Variants in ASH1L observed in about 807,000 individuals in gnomAD.
ASH1L encodes the protein histone-lysine N-methyltransferase ASH1L.
ASH1L carries 23 observed loss-of-function variants against 269.0 expected under a neutral mutation model. The ratio of observed to expected loss-of-function variants is 0.09; its 90% CI spans 0.06 to 0.12. The LOEUF (loss-of-function observed/expected upper bound fraction) is 0.12. ASH1L is among the 10% of genes least tolerant of loss of function. The pLI, the probability that ASH1L is intolerant of heterozygous loss-of-function variation, is 1.00. For missense variants in ASH1L, 2,912 were observed against 3,567.8 expected, an observed-to-expected ratio of 0.82 and a Z score of 4.68; for synonymous variants, 1,187 against 1,253.5, an observed-to-expected ratio of 0.95 and a Z score of 1.12.
chr1:155,529,168 G>T (rs1669480519), intron 1 of ASH1L, among the ~76,000 whole-genome samples: 1 of 152,120 alleles, frequency 6.6e-6, no homozygotes, highest in African/African-American at 2.4e-5. Flanking sequence ...AGATACGCAT[G>T]CATCTGTCTT....
At chr1:155,465,685 TTTCA>T (rs1296260474) in intron 3 of ASH1L, among the ~76,000 whole-genome samples, 5 of 152,248 alleles carry the variant, frequency 3.3e-5, no homozygotes, top group Admixed American at 1.3e-4. Flanking sequence ...ATTTCTCTTC[TTTCA>T]TTATTTATAA....
At chr1:155,532,991 T>C (rs1669795153) in intron 1 of ASH1L, among the ~76,000 whole-genome samples, 1 of 151,066 alleles carries the variant, frequency 6.6e-6, no homozygotes, top group Non-Finnish European at 1.5e-5. Context: ...AGAGTGTGTG[T>C]GTGTGTTGGT....
At chr1:155,499,157 T>G (rs1250024576) in intron 2 of ASH1L, among the ~76,000 whole-genome samples, 1 of 152,140 alleles carries the variant, frequency 6.6e-6, no homozygotes, top group Non-Finnish European at 1.5e-5. Flanking sequence ...AACATGTTAC[T>G]AGCATAATTT....
rs202123499 is a variant in ASH1L at position 155,412,236 on chromosome 1, C to T, written c.6008+3508G>A. On this transcript the variant is annotated intron_variant, in intron 6 of 27. Transcript: ENST00000392403. ...CAGCTTGGGCAACAGAGCACGACTC[C>T]GTCTCAAAAAAAAAAAAAAAAATTT... 1.2e-4 allele frequency among the ~76,000 whole-genome samples: 17 copies of T among 146,740 alleles called. 1 individual carries two copies. The East Asian group carries it at 2.4e-3, about 21-fold the overall frequency.
chr1:155,523,687 C>A (rs1314446177), intron 1 of ASH1L, among the ~76,000 whole-genome samples: 3 of 152,136 alleles, frequency 2.0e-5, no homozygotes, highest in African/African-American at 7.2e-5. Flanking sequence ...GCCTGGTCAA[C>A]ATGTCGAAAC....
intron 1 of ASH1L, among the ~76,000 whole-genome samples, chr1:155,554,873 G>A (rs934586441): frequency 2.0e-5 from 3 of 152,114 alleles, no homozygotes; most frequent in African/African-American, 7.2e-5. Flanking sequence ...TGGGTGTGGT[G>A]GCTCACACCT....
At chr1:155,397,739 T>C (rs1214065034) in intron 6 of ASH1L, among the ~76,000 whole-genome samples, 2 of 152,028 alleles carry the variant, frequency 1.3e-5, no homozygotes, top group African/African-American at 4.8e-5. Context: ...TTTTTGTATT[T>C]TTAGTAGAGA....
chr1:155,543,502 T>A (rs1193881529), intron 1 of ASH1L, among the ~76,000 whole-genome samples: 2 of 121,650 alleles, frequency 1.6e-5, no homozygotes, highest in Admixed American at 9.2e-5. Flanking sequence ...AGAGTGAGAC[T>A]CTGTCTCAAA....
intron 7 of ASH1L, among the ~76,000 whole-genome samples, chr1:155,389,382 T>TA (rs924860697): frequency 7.2e-5 from 11 of 151,866 alleles, no homozygotes; most frequent in Admixed American, 2.6e-4. Context: ...TTTAAGACTT[T>TA]AAAAAAGAGG....
intron 5 of ASH1L, chr1:155,434,360 A>G: frequency 2.0e-6 from 3 of 1,511,198 alleles, no homozygotes; most frequent in Non-Finnish European, 2.7e-6. Flanking sequence ...TAAGTTCTTC[A>G]TTCACTAAGG....
chr1:155,506,356 A>G (rs1422696277), intron 2 of ASH1L, among the ~76,000 whole-genome samples: 4 of 152,210 alleles, frequency 2.6e-5, no homozygotes, highest in African/African-American at 7.2e-5. Flanking sequence ...AATAATCTCT[A>G]CCGAGCAAGA....
At chr1:155,407,710 T>C (rs995545064) in intron 6 of ASH1L, among the ~76,000 whole-genome samples, 2 of 152,158 alleles carry the variant, frequency 1.3e-5, no homozygotes, top group Non-Finnish European at 2.9e-5. Context: ...GGTATACATA[T>C]GCACAATGGA....
At chr1:155,402,691 G>A (rs778409788) in intron 6 of ASH1L, among the ~76,000 whole-genome samples, 1 of 151,952 alleles carries the variant, frequency 6.6e-6, no homozygotes, top group Admixed American at 6.6e-5. Context: ...AGGACTACAG[G>A]TCTGTGTGCC....
chr1:155,364,559 GTATC>G (rs1655238560), intron 12 of ASH1L, among the ~76,000 whole-genome samples: 1 of 152,048 alleles, frequency 6.6e-6, no homozygotes, highest in African/African-American at 2.4e-5. Context: ...CCTAATAACT[GTATC>G]TAACATATTA....
intron 5 of ASH1L, among the ~76,000 whole-genome samples, chr1:155,418,932 G>A (rs917439939): frequency 2.0e-5 from 3 of 152,094 alleles, no homozygotes; most frequent in Admixed American, 6.6e-5. Flanking sequence ...TTAGCCAGGC[G>A]TGGTGGTGGG....
chr1:155,366,953 G>A (rs1245049448), intron 12 of ASH1L, among the ~76,000 whole-genome samples: 1 of 151,234 alleles, frequency 6.6e-6, no homozygotes, highest in Non-Finnish European at 1.5e-5. Flanking sequence ...TGAGATTACA[G>A]GCGTGAGCCA....
intron 4 of ASH1L, among the ~76,000 whole-genome samples, chr1:155,450,966 G>A (rs762481291): frequency 6.6e-6 from 1 of 152,198 alleles, no homozygotes; most frequent in African/African-American, 2.4e-5. Context: ...GGGAGGCTAA[G>A]GCGGTCGAAT....
At chr1:155,446,611 CTT>C (rs1186369283) in intron 4 of ASH1L, among the ~76,000 whole-genome samples, 2 of 132,976 alleles carry the variant, frequency 1.5e-5, no homozygotes, top group African/African-American at 5.5e-5. Context: ...ATTTCAGTTT[CTT>C]TTTTTTTTTT....
At chr1:155,354,349 A>T in intron 16 of ASH1L, 124 bp downstream of exon 16, 4 of 801,704 alleles carry the variant, frequency 5.0e-6, no homozygotes, top group Non-Finnish European at 5.7e-6. Flanking sequence ...AGGCTGAGGC[A>T]GGATAATTGC....
Sources: gnomAD v4.1 joint callset for allele counts (sites outside exome capture counted in the v4.1 genomes callset) on GRCh38, gnomAD v4.1.1 for gene constraint, MANE v1.5 for transcripts, NCBI Gene and HGNC (gene_info 2026-07-23, HGNC 2026-07-21) for gene names.